The following MCCC2 variants were observed in gnomAD, a reference collection of about 807,000 sequenced individuals.
The protein encoded by MCCC2 is methylcrotonoyl-CoA carboxylase beta chain, mitochondrial.
A neutral mutation model predicts 77.2 loss-of-function variants in MCCC2; 52 were observed. That is an observed-to-expected ratio of 0.67 (90% CI 0.54 to 0.85). The LOEUF is 0.85. MCCC2 is among the 40% of genes least tolerant of loss of function. The pLI is 0.00. For synonymous variants in MCCC2, 253 were observed against 248.4 expected (o/e 1.02, Z -0.18); for missense variants, 682 against 703.2 (o/e 0.97, Z 0.34).
At chr5:71,627,825 CT>C (rs530173993) in intron 7 of MCCC2, among the ~76,000 whole-genome samples, 111 of 143,104 alleles carry the variant, frequency 7.8e-4, no homozygotes, top group Middle Eastern at 3.7e-3. Flanking sequence ...GATGTTGAGG[CT>C]TTTTTTTTTT....
intron 12 of MCCC2, 98 bp downstream of exon 12, chr5:71,643,993 A>T: frequency 6.7e-7 from 1 of 1,487,084 alleles, no homozygotes; most frequent in Non-Finnish European, 9.3e-7. Context: ...AAAAATGCTT[A>T]ACTAGATGCC....
At chr5:71,622,902 C>G (rs1449563777) in intron 6 of MCCC2, among the ~76,000 whole-genome samples, 3 of 152,198 alleles carry the variant, frequency 2.0e-5, no homozygotes, top group African/African-American at 4.8e-5. Context: ...GTCAGGAGAT[C>G]GAGACCATCC....
intron 2 of MCCC2, among the ~76,000 whole-genome samples, chr5:71,593,796 A>G (rs897553028): frequency 2.0e-5 from 3 of 152,238 alleles, no homozygotes; most frequent in Non-Finnish European, 2.9e-5. Flanking sequence ...ATCAACAAGT[A>G]TATAATACTT....
At chr5:71,654,858 GAC>G (rs1747537180) in intron 16 of MCCC2, among the ~76,000 whole-genome samples, 1 of 145,844 alleles carries the variant, frequency 6.9e-6, no homozygotes, top group Non-Finnish European at 1.5e-5. Context: ...TTTTTTTTGA[GAC>G]AGAGTTTCTT....
At chr5:71,630,549 A>G (rs277977) in intron 7 of MCCC2, among the ~76,000 whole-genome samples, 55,299 of 151,580 alleles carry the variant, frequency 0.36, 10,800 homozygotes, top group East Asian at 0.56. Context: ...TCCTTTTTGC[A>G]ACTTTAAATA....
At chr5:71,607,319 C>T (rs1397924406) in intron 6 of MCCC2, among the ~76,000 whole-genome samples, 13 of 152,098 alleles carry the variant, frequency 8.5e-5, no homozygotes, top group Non-Finnish European at 1.3e-4. Flanking sequence ...GTTTGTGTGT[C>T]GAGGAATTTA....
At chr5:71,652,474 A>G (rs968223273) in intron 15 of MCCC2, among the ~76,000 whole-genome samples, 195 bp from the exon 16 acceptor site, 2 of 152,138 alleles carry the variant, frequency 1.3e-5, no homozygotes, top group Non-Finnish European at 2.9e-5. Flanking sequence ...GTTAGGAGAG[A>G]TGGGATGGGG....
chr5:71,643,180 C>A (rs1747176495), intron 11 of MCCC2, among the ~76,000 whole-genome samples: 1 of 152,036 alleles, frequency 6.6e-6, no homozygotes, highest in Non-Finnish European at 1.5e-5. Context: ...CCCAGGAGTT[C>A]CAGACCAGCC....
chr5:71,593,054 G>T (rs1745043529), intron 2 of MCCC2, 62 bp downstream of exon 2: 2 of 1,343,054 alleles, frequency 1.5e-6, no homozygotes, highest in South Asian at 1.2e-5. Context: ...AATAGTTATT[G>T]CTTTTAGGAA....
rs1345577961 is a variant in MCCC2, at chr5:71,650,147, G to A, written c.1452G>A (p.Thr484=). The A allele has an allele frequency of 8.7e-6, 14 of 1,614,040 alleles. No individual in the cohort carries two copies. The highest frequency in any genetic ancestry group is 3.3e-5 in the Admixed American group (2 of 59,998). The change falls in exon 15 of 17, where the codon ACG becomes ACA. Residue 484 remains threonine, a synonymous_variant. Coordinates refer to ENST00000340941, the MANE Select transcript of MCCC2 (RefSeq NM_022132.5). ...AGCAGGCAGCCAATGTGTTGGCCAC[G>A]ATAACAAAGGACCAAAGAGCCCGGG... ...GGEQAANVLA[T]ITKDQRAREG...
intron 12 of MCCC2, among the ~76,000 whole-genome samples, 163 bp downstream of exon 12, chr5:71,644,058 T>TGC (rs1405020768): frequency 6.8e-6 from 1 of 147,410 alleles, no homozygotes; most frequent in Non-Finnish European, 1.5e-5. Flanking sequence ...TGTGTGTGTG[T>TGC]GTGTGTGTGT....
In MCCC2 at chr5:71,646,220, T is replaced by G. The variant is rs1450515408; in HGVS notation, c.1159T>G (p.Phe387Val). The change falls in exon 13 of 17, where the codon TTT becomes GTT. Residue 387 changes from phenylalanine to valine, a missense_variant. By Grantham distance (50) the Phe-to-Val change is conservative. Transcript: ENST00000340941. Reference protein sequence around the residue: ...FSESAKKGTHFVQLCCQRNIP... With the variant: ...FSESAKKGTHVVQLCCQRNIP... ...TGTTATTTGCTTATAGGGTACTCAC[T>G]TTGTCCAGTTATGCTGCCAAAGAAA... is the stretch of plus-strand genomic sequence containing the variant. The G allele has an allele frequency of 1.2e-6, 2 of 1,613,824 alleles. No homozygotes were observed. The highest frequency in any genetic ancestry group is 1.7e-6 in the Non-Finnish European group (2 of 1,179,788).
At chr5:71,654,264 G>C (rs1357648007) in intron 16 of MCCC2, among the ~76,000 whole-genome samples, 2 of 152,170 alleles carry the variant, frequency 1.3e-5, no homozygotes, top group Non-Finnish European at 2.9e-5. Flanking sequence ...AAAGTGCTTG[G>C]ATTACAGGCG....
At chr5:71,649,429 T>G (rs1747372077) in intron 14 of MCCC2, among the ~76,000 whole-genome samples, 176 bp downstream of exon 14, 1 of 152,232 alleles carries the variant, frequency 6.6e-6, no homozygotes, top group South Asian at 2.1e-4. Flanking sequence ...AGGTGTTATT[T>G]GGAAGAAATC....
chr5:71,620,545 T>TA (rs955268130), intron 6 of MCCC2, among the ~76,000 whole-genome samples: 1 of 152,124 alleles, frequency 6.6e-6, no homozygotes, highest in Non-Finnish European at 1.5e-5. Context: ...CAGAATTAGA[T>TA]AAAAAATCTC....
rs1032687123 is a variant in MCCC2, at chr5:71,649,042, C to T, written c.1217-55C>T. On this transcript the variant is annotated intron_variant, in intron 13 of 16. Coordinates refer to ENST00000340941, the MANE Select transcript of MCCC2 (RefSeq NM_022132.5). ...ACAAGATGTCCTTTTGGTGGAATTG[C>T]GTTCCGCATATTAATCCCATCACCC... 1.4e-4 allele frequency: 226 copies of T among 1,592,592 alleles called. 2 individuals carry two copies. Among genetic ancestry groups the T allele is most frequent in the African/African-American group, 5.4e-5 (4 of 74,660 alleles).
chr5:71,653,850 C>CAAAAAAA (rs33938603), intron 16 of MCCC2, among the ~76,000 whole-genome samples: 1 of 122,648 alleles, frequency 8.2e-6, no homozygotes, highest in African/African-American at 3.1e-5. Flanking sequence ...GGCCCTATCT[C>CAAAAAAA]AAAAAAAAAA....
chr5:71,641,005 C>A lies in MCCC2; in HGVS notation c.1002C>A (p.Val334=). 6.2e-7 allele frequency: 1 copy of A among 1,613,822 alleles called. No homozygotes were observed. Among genetic ancestry groups the A allele is most frequent in the South Asian group, 1.1e-5 (1 of 91,048 alleles). The change falls in exon 11 of 17, where the codon GTC becomes GTA. Residue 334 remains valine, a splice_region_variant and synonymous_variant. Coordinates refer to ENST00000340941, the MANE Select transcript of MCCC2 (RefSeq NM_022132.5). ...NLKRSFDVRE[V]IARIVDGSRF... ...GCCATTGTTGTTTTTCCTCTTAGGT[C>A]ATTGCTAGAATCGTGGATGGAAGCA...
At position 71,596,329 on chromosome 5, in the gene MCCC2, G is replaced by A. The variant is rs1427801007; in HGVS notation, c.246G>A (p.Leu82=). The A allele has an allele frequency of 1.2e-6, 2 of 1,614,088 alleles. No individual in the cohort carries two copies. Among genetic ancestry groups the A allele is most frequent in the Admixed American group, 1.7e-5 (1 of 60,008 alleles). ...RALHISRGKL[L]PRERIDNLID... is the part of the protein sequence containing the mutation. ...TTCACATATCAAGAGGAAAACTATTGCCCAGAGAAAGAATTGACAATCTCA... is the reference window on the plus strand; with the variant it reads ...TTCACATATCAAGAGGAAAACTATTACCCAGAGAAAGAATTGACAATCTCA... Residue 82 remains leucine (L), a synonymous_variant, in exon 3 of 17, where the codon TTG becomes TTA. Transcript: ENST00000340941.
Sources: allele counts gnomAD v4.1 joint callset (sites outside exome capture counted in the v4.1 genomes callset), GRCh38; gene constraint gnomAD v4.1.1; transcripts MANE v1.5; gene names NCBI Gene and HGNC (gene_info 2026-07-23, HGNC 2026-07-21).